RAB40C: variants seen among roughly 807,000 people sequenced by gnomAD.
The protein encoded by RAB40C is RAB40C, member RAS oncogene family, also known as ras-related protein Rab-40C.
RAB40C carries 8 observed loss-of-function variants against 28.1 expected under a neutral mutation model. The ratio of observed to expected loss-of-function variants is 0.28; its 90% CI spans 0.17 to 0.51. The LOEUF (loss-of-function observed/expected upper bound fraction) is 0.51. Among genes scored for constraint, RAB40C ranks in the 20% least tolerant of loss-of-function variants. The pLI, the probability that RAB40C is intolerant of heterozygous loss-of-function variation, is 0.97. For missense variants in RAB40C, 288 were observed against 405.9 expected, an observed-to-expected ratio of 0.71 and a Z score of 2.50; for synonymous variants, 201 against 171.7, an observed-to-expected ratio of 1.17 and a Z score of -1.34.
intron 1 of RAB40C, among the ~76,000 whole-genome samples, chr16:594,822 T>A (rs2036076925): frequency 7.1e-6 from 1 of 141,028 alleles, no homozygotes; most frequent in African/African-American, 2.6e-5. Context: ...GTCTTCCTTT[T>A]TTTTTTTTTT....
rs1470673551 is a variant in RAB40C, at chr16:629,078, C to G, written c.*1456C>G. On this transcript the variant is annotated 3_prime_UTR_variant, in exon 6 of 6. Transcript: ENST00000248139. ...GGCCTCCTGCTCCAGCTTCCCTGTC[C>G]TGGCCCCACCTGTCCTGTTGCTGCC... The G allele has an allele frequency of 6.3e-6, 1 of 159,218 alleles. No individual in the cohort carries two copies. Among genetic ancestry groups the G allele is most frequent in the Non-Finnish European group, 1.4e-5 (1 of 71,744 alleles). The allele number at this position is 159,218 out of a possible 1,614,324, so 9.9% of individuals were successfully genotyped here.
upstream of RAB40C, chr16:589,550 A>G (rs949117685): frequency 6.6e-6 from 1 of 152,226 alleles, no homozygotes; most frequent in African/African-American, 2.4e-5. Flanking sequence ...GCGAGCGTGT[A>G]GGAAAGGGGC....
chr16:624,781 C>G (rs1213112320), intron 3 of RAB40C: 3 of 985,328 alleles, frequency 3.0e-6, no homozygotes, highest in South Asian at 9.4e-5. Flanking sequence ...TTTCGCCCGA[C>G]AGGGCTCTGA....
At chr16:599,184 G>A (rs528468891) in intron 1 of RAB40C, among the ~76,000 whole-genome samples, 6 of 152,374 alleles carry the variant, frequency 3.9e-5, no homozygotes, top group Non-Finnish European at 5.9e-5. Context: ...AGGGGAGTAT[G>A]GTCACAGCCC....
chr16:622,751 G>A (rs1367052966), intron 3 of RAB40C, among the ~76,000 whole-genome samples: 4 of 152,220 alleles, frequency 2.6e-5, no homozygotes, highest in African/African-American at 9.6e-5. Flanking sequence ...TGATCCGCCT[G>A]CCTCGGCCTC....
chr16:590,480 G>A (rs749148876), intron 1 of RAB40C, 47 bp downstream of exon 1: 1 of 1,483,462 alleles, frequency 6.7e-7, no homozygotes, highest in South Asian at 1.3e-5. Context: ...GCCCGAGCCC[G>A]GCGAGCTGGG....
At chr16:591,563 ATTTGT>A (rs755045150) in intron 1 of RAB40C, among the ~76,000 whole-genome samples, 16 of 150,870 alleles carry the variant, frequency 1.1e-4, no homozygotes, top group Non-Finnish European at 2.1e-4. Context: ...GTTACTGAAC[ATTTGT>A]TTTGTTTTGT....
chr16:614,497 C>T (rs868615243), intron 1 of RAB40C, among the ~76,000 whole-genome samples: 9 of 106,614 alleles, frequency 8.4e-5, no homozygotes, highest in South Asian at 4.0e-4. Context: ...TGCCGCATCC[C>T]GATGGTGAAC....
chr16:627,739 C>T lies in RAB40C; in HGVS notation c.*117C>T, dbSNP rs1297356048. On this transcript the variant is annotated 3_prime_UTR_variant, in exon 6 of 6. Coordinates refer to ENST00000248139, the MANE Select transcript of RAB40C (RefSeq NM_021168.5). ...ACTGTCCACACAGCTGCCTCAGAAG[C>T]GCCGGGCTTTCCTCACACCTGAGCC... 21 of 1,289,530 alleles carry T rather than the reference C, an allele frequency of 1.6e-5. No homozygotes were observed. The highest frequency in any genetic ancestry group is 2.1e-5 in the Non-Finnish European group (20 of 967,000). 79.9% of individuals were successfully genotyped at this position (1,289,530 alleles called of 1,614,324 possible).
intron 3 of RAB40C, among the ~76,000 whole-genome samples, chr16:621,372 A>G (rs2036713211): frequency 6.6e-6 from 1 of 152,162 alleles, no homozygotes; most frequent in Non-Finnish European, 1.5e-5. Flanking sequence ...ACTAGCAAGG[A>G]CTGTCTGTCC....
intron 1 of RAB40C, among the ~76,000 whole-genome samples, chr16:600,024 G>T (rs574052784): frequency 6.7e-6 from 1 of 148,942 alleles, no homozygotes; most frequent in East Asian, 2.0e-4. Context: ...GCGTGGATTC[G>T]CAAGGTTTTG....
rs769763298 is a variant in RAB40C at position 590,287 on chromosome 16, C to A, written c.-5C>A. ...CGGCCGGCGCGGGGCGCAGGCGGCG[C>A]GGCCATGGGCTCGCAGGGCAGTCCG... is the stretch of plus-strand genomic sequence containing the variant. On this transcript the variant is annotated 5_prime_UTR_variant, in exon 1 of 6. Coordinates refer to ENST00000248139, the MANE Select transcript of RAB40C (RefSeq NM_021168.5). 6.7e-7 allele frequency: 1 copy of A among 1,500,192 alleles called. No individual in the cohort carries two copies. Among genetic ancestry groups the A allele is most frequent in the Admixed American group, 2.1e-5 (1 of 46,756 alleles). The allele number at this position is 1,500,192 out of a possible 1,614,324, so 92.9% of individuals were successfully genotyped here.
chr16:626,352 C>T (rs554830219), intron 5 of RAB40C, among the ~76,000 whole-genome samples: 49 of 152,096 alleles, frequency 3.2e-4, no homozygotes, highest in South Asian at 3.1e-3. Context: ...CTCAGGGTGC[C>T]GCCGTGGCCG....
Position 590,363 on chromosome 16 carries a change from C to T in RAB40C, c.72C>T (p.Asp24=), listed in dbSNP as rs752993353. 2.5e-6 allele frequency: 4 copies of T among 1,598,020 alleles called. No homozygotes were observed. Among genetic ancestry groups the T allele is most frequent in the Middle Eastern group, 1.8e-4 (1 of 5,452 alleles). Reference sequence around the variant, plus strand: ...AGTTCCTGCTGGTGGGCGACAGCGACGTGGGCAAGGGCGAGATCCTGGAGA... The same window carrying T: ...AGTTCCTGCTGGTGGGCGACAGCGATGTGGGCAAGGGCGAGATCCTGGAGA... ...LLKFLLVGDS[D]VGKGEILESL... is the part of the protein sequence containing the mutation. Residue 24 remains aspartate (D), a synonymous_variant, in exon 1 of 6, where the codon GAC becomes GAT. Transcript: ENST00000248139.
intron 5 of RAB40C, 109 bp from the exon 6 acceptor site, chr16:627,233 C>T: frequency 1.8e-6 from 2 of 1,137,062 alleles, no homozygotes; most frequent in Non-Finnish European, 2.5e-6. Context: ...CTGGGAACAC[C>T]TCTAGGAGTG....
chr16:617,762 G>C (rs1346156070), intron 2 of RAB40C, among the ~76,000 whole-genome samples: 1 of 152,118 alleles, frequency 6.6e-6, no homozygotes, highest in Non-Finnish European at 1.5e-5. Flanking sequence ...AGAATCACTT[G>C]AACCCGGGAG....
At position 628,013 on chromosome 16, in the gene RAB40C, T is replaced by G; in HGVS notation, c.*391T>G. ...CGGTGGTGGTGCACTGGTGACTTCATGGCCACGCCAGCTGCGGGGACGCAC... is the reference window on the plus strand; with the variant it reads ...CGGTGGTGGTGCACTGGTGACTTCAGGGCCACGCCAGCTGCGGGGACGCAC... On this transcript the variant is annotated 3_prime_UTR_variant, in exon 6 of 6. Transcript: ENST00000248139. The G allele has an allele frequency of 5.3e-6, 1 of 187,954 alleles. No homozygotes were observed. Among genetic ancestry groups the G allele is most frequent in the South Asian group, 1.8e-4 (1 of 5,552 alleles). 11.6% of individuals were successfully genotyped at this position (187,954 alleles called of 1,614,324 possible). A position where few individuals can be genotyped will look rare whatever the true frequency, so the allele number is the denominator to read the frequency against.
intron 1 of RAB40C, among the ~76,000 whole-genome samples, chr16:611,080 C>T (rs11645708): frequency 0.18 from 27,169 of 152,206 alleles, 2,638 homozygotes; most frequent in South Asian, 0.26. Flanking sequence ...CAACCGGGTG[C>T]GGAGCCTGCA....
intron 3 of RAB40C, among the ~76,000 whole-genome samples, chr16:621,705 G>A (rs1001362366): frequency 6.6e-6 from 1 of 152,238 alleles, no homozygotes; most frequent in Non-Finnish European, 1.5e-5. Context: ...TGTGGAGGGT[G>A]GGGTAGGCTC....
Sources: gnomAD v4.1 joint callset for allele counts (sites outside exome capture counted in the v4.1 genomes callset) on GRCh38, gnomAD v4.1.1 for gene constraint, MANE v1.5 for transcripts, NCBI Gene and HGNC (gene_info 2026-07-23, HGNC 2026-07-21) for gene names.